LRIT3: variants seen among roughly 807,000 people sequenced by gnomAD.
LRIT3 encodes leucine rich repeat, Ig-like and transmembrane domains 3, also known as leucine-rich repeat, immunoglobulin-like domain and transmembrane domain-containing protein 3.
Under a neutral mutation model 22.6 loss-of-function variants are expected in LRIT3, and 14 were observed. That is an observed-to-expected ratio of 0.62 (90% CI 0.41 to 0.97). The LOEUF is 0.97. Ranked by LOEUF, LRIT3 falls within the 50% of genes least tolerant of loss-of-function variation. LRIT3 has a pLI of 0.00. For missense variants in LRIT3, 783 were observed against 803.0 expected (o/e 0.98, Z 0.30); for synonymous variants, 306 against 304.5 (o/e 1.01, Z -0.05).
chr4:109,858,689 A>G lies in LRIT3; in HGVS notation c.589+6713A>G, dbSNP rs551027751. Among the ~76,000 whole-genome samples the G allele has an allele frequency of 3.1e-4, 47 of 152,302 alleles. 2 individuals carry two copies. The South Asian group carries it at 9.7e-3, about 32-fold the overall frequency. ...CAGAACTAGATTTAGGAATATTAAG[A>G]AAATTTAATGTGAGCAATGCCAAGT... On this transcript the variant is annotated intron_variant, in intron 2 of 3. Coordinates refer to ENST00000594814, the MANE Select transcript of LRIT3 (RefSeq NM_198506.5).
chr4:109,867,285 G>T (rs768809559), intron 2 of LRIT3, among the ~76,000 whole-genome samples: 7 of 152,022 alleles, frequency 4.6e-5, no homozygotes, highest in Non-Finnish European at 7.4e-5. Flanking sequence ...CTTTAACATA[G>T]GGATAGATGA....
chr4:109,856,052 A>G (rs975283018), intron 2 of LRIT3, among the ~76,000 whole-genome samples: 2 of 152,132 alleles, frequency 1.3e-5, no homozygotes, highest in African/African-American at 4.8e-5. Flanking sequence ...TCCCAGAATT[A>G]TGAACATCTG....
At position 109,867,878 on chromosome 4, in the gene LRIT3, A is replaced by C. The variant is rs759464908; in HGVS notation, c.827A>C (p.Asp276Ala). 4.3e-6 allele frequency: 7 copies of C among 1,613,906 alleles called. No homozygotes were observed. In the Admixed American group the frequency reaches 1.2e-4, roughly 27 times the overall value. ...ALGSNVLLRC[D>A]ATGFPTPQIT... ...GGCAGTAATGTTCTACTGCGGTGTG[A>C]TGCCACTGGCTTCCCCACCCCACAG... is the stretch of plus-strand genomic sequence containing the variant. Residue 276 changes from aspartate to alanine, a missense_variant, in exon 3 of 4, where the codon GAT (aspartate) becomes GCT (alanine). Asp to Ala is a moderately radical substitution (Grantham distance 126). Coordinates refer to ENST00000594814, the MANE Select transcript of LRIT3 (RefSeq NM_198506.5).
chr4:109,860,174 C>T (rs1734500647), intron 2 of LRIT3, among the ~76,000 whole-genome samples: 1 of 152,096 alleles, frequency 6.6e-6, no homozygotes, highest in Non-Finnish European at 1.5e-5. Flanking sequence ...CTGTTTGTCT[C>T]AGAGAAAAAG....
chr4:109,863,292 T>C (rs1734594453), intron 2 of LRIT3, among the ~76,000 whole-genome samples: 2 of 152,144 alleles, frequency 1.3e-5, no homozygotes, highest in Non-Finnish European at 2.9e-5. Flanking sequence ...AGCATGGTGG[T>C]TTAAGATCAG....
At chr4:109,849,876 G>T (rs1734168134) in intron 1 of LRIT3, among the ~76,000 whole-genome samples, 1 of 152,222 alleles carries the variant, frequency 6.6e-6, no homozygotes, top group Admixed American at 6.5e-5. Context: ...GCCTCCCAAA[G>T]TGCTGGGATT....
At position 109,870,925 on chromosome 4, in the gene LRIT3, A is replaced by T. The variant is rs535014343; in HGVS notation, c.*136A>T. 124 of 849,216 alleles carry T rather than the reference A, an allele frequency of 1.5e-4. No individual in the cohort carries two copies. Among genetic ancestry groups the T allele is most frequent in the Admixed American group, 7.6e-4 (22 of 28,960 alleles). The allele number at this position is 849,216 out of a possible 1,614,324, so 52.6% of individuals were successfully genotyped here. A position where few individuals can be genotyped will look rare whatever the true frequency, so the allele number is the denominator to read the frequency against. ...AAATGGAATGCTTTTAAGTATGTTT[A>T]AAAAATACCATGAGACCTCTGAACT... On this transcript the variant is annotated 3_prime_UTR_variant, in exon 4 of 4. Coordinates refer to ENST00000594814, the MANE Select transcript of LRIT3 (RefSeq NM_198506.5).
chr4:109,867,565 T>G, intron 2 of LRIT3, 76 bp from the exon 3 acceptor site: 1 of 1,286,480 alleles, frequency 7.8e-7, no homozygotes, highest in Non-Finnish European at 1.1e-6. Context: ...TGTAGATCCC[T>G]ACTTTCTCAA....
intron 2 of LRIT3, among the ~76,000 whole-genome samples, 155 bp downstream of exon 2, chr4:109,852,131 A>G (rs1734289092): frequency 1.3e-5 from 2 of 152,158 alleles, no homozygotes; most frequent in Admixed American, 1.3e-4. Flanking sequence ...AGGTCAAGTT[A>G]CCCTTTCTCC....
chr4:109,850,224 C>A (rs1734175523), intron 1 of LRIT3, among the ~76,000 whole-genome samples: 1 of 152,024 alleles, frequency 6.6e-6, no homozygotes, highest in South Asian at 2.1e-4. Flanking sequence ...TGATACTTTG[C>A]AAAACTTCTT....
At chr4:109,851,372 C>T (rs1734250815) in intron 1 of LRIT3, 132 bp from the exon 2 acceptor site, 1 of 1,299,366 alleles carries the variant, frequency 7.7e-7, no homozygotes. Flanking sequence ...TCCTCGGCCT[C>T]CCAAAGTGCT....
At position 109,870,143 on chromosome 4, in the gene LRIT3, G is replaced by A; in HGVS notation, c.1394G>A (p.Ser465Asn). Residue 465 changes from serine to asparagine, a missense_variant, in exon 4 of 4, where the codon AGC (serine) becomes AAC (asparagine). By Grantham distance (46) the Ser-to-Asn change is conservative. Around this residue, in one of 2 missense-constraint regions of LRIT3, gnomAD observed 756 missense variants for 753.8 expected, o/e 1.00. Coordinates refer to ENST00000594814, the MANE Select transcript of LRIT3 (RefSeq NM_198506.5). ...AATGGAAGTAAGCTTCCTCCAGCCA[G>A]CACAAGTAAGAAAGAAGAGCTGGCA... ...AKNGSKLPPA[S>N]TSKKEELALL... 1.2e-6 allele frequency: 2 copies of A among 1,614,178 alleles called. No homozygotes were observed. Among genetic ancestry groups the A allele is most frequent in the East Asian group, 2.2e-5 (1 of 44,884 alleles).
rs916311895 is a variant in LRIT3, at chr4:109,872,025, T to C, written c.*1236T>C. 6.6e-6 allele frequency: 1 copy of C among 152,210 alleles called. No homozygotes were observed. Among genetic ancestry groups the C allele is most frequent in the Non-Finnish European group, 1.5e-5 (1 of 68,046 alleles). 9.4% of individuals were successfully genotyped at this position (152,210 alleles called of 1,614,324 possible). On this transcript the variant is annotated 3_prime_UTR_variant, in exon 4 of 4. Coordinates refer to ENST00000594814, the MANE Select transcript of LRIT3 (RefSeq NM_198506.5). Reference sequence around the variant, plus strand: ...CAGGATGCAACCTGGCCTAGGGATTTCCAGAAGACAAGGCCACCTCAGCAC... The same window carrying C: ...CAGGATGCAACCTGGCCTAGGGATTCCCAGAAGACAAGGCCACCTCAGCAC...
chr4:109,862,529 A>C (rs1734571775), intron 2 of LRIT3, among the ~76,000 whole-genome samples: 1 of 152,238 alleles, frequency 6.6e-6, no homozygotes, highest in East Asian at 1.9e-4. Context: ...AAAAATATTT[A>C]CATAACTTTT....
At chr4:109,854,414 G>A (rs1734351738) in intron 2 of LRIT3, among the ~76,000 whole-genome samples, 1 of 152,184 alleles carries the variant, frequency 6.6e-6, no homozygotes, top group Non-Finnish European at 1.5e-5. Context: ...AGAAATGCTT[G>A]TGATTTTAGC....
intron 2 of LRIT3, among the ~76,000 whole-genome samples, chr4:109,859,147 A>G (rs1734474486): frequency 6.6e-6 from 1 of 152,188 alleles, no homozygotes; most frequent in African/African-American, 2.4e-5. Flanking sequence ...AGGTCAAAAA[A>G]TAATAGACAC....
intron 2 of LRIT3, among the ~76,000 whole-genome samples, chr4:109,853,902 G>A (rs1175445402): frequency 6.6e-6 from 1 of 152,124 alleles, no homozygotes. Flanking sequence ...TTGTAAATGT[G>A]TGGTGTTATT....
chr4:109,849,892 C>G (rs1026608947), intron 1 of LRIT3, among the ~76,000 whole-genome samples: 1 of 152,196 alleles, frequency 6.6e-6, no homozygotes, highest in African/African-American at 2.4e-5. Context: ...GGATTACAGG[C>G]GTGAGCCACC....
Position 109,851,887 on chromosome 4 carries a change from C to T in LRIT3, c.500C>T (p.Thr167Ile). Reference sequence around the variant, plus strand: ...GATTTATCAAGCAACAGACTCACCACATTGCCACCAGATTTCCTGGAGAGC... The same window carrying T: ...GATTTATCAAGCAACAGACTCACCATATTGCCACCAGATTTCCTGGAGAGC... ...YLDLSSNRLT[T>I]LPPDFLESWT... Residue 167 changes from threonine (T) to isoleucine (I), a missense_variant, in exon 2 of 4, where the codon ACA becomes ATA. Physicochemically the swap from Thr to Ile is moderately conservative, Grantham distance 89. Coordinates refer to ENST00000594814, the MANE Select transcript of LRIT3 (RefSeq NM_198506.5). 1 of 1,551,660 alleles carries T rather than the reference C, an allele frequency of 6.4e-7. No homozygotes were observed.
Sources: gnomAD v4.1 joint callset for allele counts (sites outside exome capture counted in the v4.1 genomes callset) on GRCh38, gnomAD v4.1.1 for gene constraint, gnomAD v4.1.1 regional missense constraint, MANE v1.5 for transcripts, NCBI Gene and HGNC (gene_info 2026-07-23, HGNC 2026-07-21) for gene names.